The following LGR5 variants were observed in gnomAD, a reference collection of about 807,000 sequenced individuals.
LGR5 encodes the protein leucine-rich repeat-containing G protein-coupled receptor 5.
Under a neutral mutation model 76.7 loss-of-function variants are expected in LGR5, and 54 were observed. The ratio of observed to expected loss-of-function variants is 0.70; its 90% CI spans 0.57 to 0.88. The LOEUF (loss-of-function observed/expected upper bound fraction) is 0.88, where lower values mean the gene tolerates loss of function less well. Among genes scored for constraint, LGR5 ranks in the 40% least tolerant of loss-of-function variants. The probability of loss-of-function intolerance (pLI) is 0.00; values close to 1 mark genes in which losing one functional copy is unlikely to be tolerated. For synonymous variants in LGR5, 406 were observed against 421.9 expected, an observed-to-expected ratio of 0.96 and a Z score of 0.46; for missense variants, 1,078 against 1,073.3, an observed-to-expected ratio of 1.00 and a Z score of -0.06.
At chr12:71,533,720 G>T (rs757182522) in intron 3 of LGR5, among the ~76,000 whole-genome samples, 1 of 152,162 alleles carries the variant, frequency 6.6e-6, no homozygotes, top group Non-Finnish European at 1.5e-5. Flanking sequence ...AGCAAGCATT[G>T]TTCTATGAAC....
intron 4 of LGR5, among the ~76,000 whole-genome samples, chr12:71,545,691 C>G (rs562702954): frequency 6.6e-6 from 1 of 151,828 alleles, no homozygotes; most frequent in African/African-American, 2.4e-5. Flanking sequence ...TTTTGACTAA[C>G]ACTTTACTTC....
chr12:71,584,416 G>C lies in LGR5; in HGVS notation c.2406G>C (p.Lys802Asn). 6.2e-7 allele frequency: 1 copy of C among 1,614,006 alleles called. No homozygotes were observed. The highest frequency in any genetic ancestry group is 8.5e-7 in the Non-Finnish European group (1 of 1,179,914). ...CATTTATCAGTCCTGAAGTAATTAA[G>C]TTTATCCTTCTGGTGGTAGTCCCAC... is the stretch of plus-strand genomic sequence containing the variant. ...NLTFISPEVI[K>N]FILLVVVPLP... The change falls in exon 18 of 18, where the codon AAG becomes AAC. Residue 802 changes from lysine (K) to asparagine (N), a missense_variant. Transcript: ENST00000266674.
chr12:71,484,859 A>G (rs1211483033), intron 1 of LGR5, among the ~76,000 whole-genome samples: 1 of 152,220 alleles, frequency 6.6e-6, no homozygotes, highest in Admixed American at 6.6e-5. Context: ...TTAGAATGAT[A>G]ATGTAAAAAT....
intron 4 of LGR5, among the ~76,000 whole-genome samples, chr12:71,547,322 G>T (rs1877232587): frequency 6.6e-6 from 1 of 152,142 alleles, no homozygotes; most frequent in Non-Finnish European, 1.5e-5. Context: ...CAGTGTAGCT[G>T]CTGAACATAG....
In LGR5 at chr12:71,465,548, A is replaced by C. The variant is rs566244223; in HGVS notation, c.212+25256A>C. Among the ~76,000 whole-genome samples, 8 of 152,284 alleles carry C rather than the reference A, an allele frequency of 5.3e-5. No individual in the cohort carries two copies. The South Asian group carries it at 1.7e-3, about 32-fold the overall frequency. On this transcript the variant is annotated intron_variant, in intron 1 of 17. Transcript: ENST00000266674. ...TGCTTTAAACAAAACTCAGTTTCCT[A>C]GTACTAGGATTCCTCAGGGAATTAC...
At position 71,440,206 on chromosome 12, in the gene LGR5, C is replaced by G. The variant is rs568020422; in HGVS notation, c.126C>G (p.Pro42=). ...GCCCCACACACTGTCATTGCGAGCC[C>G]GACGGCAGGATGTTGCTCAGGGTGG... ...RGCPTHCHCE[P]DGRMLLRVDC... Residue 42 remains proline (P), a synonymous_variant, in exon 1 of 18, where the codon CCC becomes CCG. Coordinates refer to ENST00000266674, the MANE Select transcript of LGR5 (RefSeq NM_003667.4). This position sits in a 1 kb window ranked among gnomAD's most constrained non-coding sequence, Gnocchi z 5.3. 3 of 1,612,832 alleles carry G rather than the reference C, an allele frequency of 1.9e-6. No homozygotes were observed. The highest frequency in any genetic ancestry group is 4.5e-5 in the East Asian group (2 of 44,870).
At chr12:71,460,832 T>C (rs1440606814) in intron 1 of LGR5, among the ~76,000 whole-genome samples, 1 of 152,142 alleles carries the variant, frequency 6.6e-6, no homozygotes, top group Non-Finnish European at 1.5e-5. Flanking sequence ...AAAACAGGGC[T>C]AGTTTTCTTA....
At chr12:71,540,596 T>C (rs74101870) in intron 4 of LGR5, among the ~76,000 whole-genome samples, 1,729 of 152,256 alleles carry the variant, frequency 0.011, 33 homozygotes, top group African/African-American at 0.039. Flanking sequence ...TTCTGCATGG[T>C]AATCTTTTCC....
intron 11 of LGR5, among the ~76,000 whole-genome samples, chr12:71,570,190 A>G (rs1878540820): frequency 6.6e-6 from 1 of 152,214 alleles, no homozygotes; most frequent in African/African-American, 2.4e-5. Flanking sequence ...CATTAAGGAA[A>G]AAAGCTAATG....
intron 1 of LGR5, among the ~76,000 whole-genome samples, chr12:71,479,004 G>C (rs1199690884): frequency 6.6e-6 from 1 of 152,192 alleles, no homozygotes; most frequent in African/African-American, 2.4e-5. Context: ...TTATGTGTCT[G>C]TGCAGGCTCA....
chr12:71,579,014 G>A (rs1878981435), intron 15 of LGR5, 85 bp downstream of exon 15: 2 of 1,253,484 alleles, frequency 1.6e-6, no homozygotes, highest in South Asian at 3.5e-5. Context: ...AAATTTATGA[G>A]GTCGTGAGAC....
chr12:71,554,977 C>A (rs979181516), intron 5 of LGR5, among the ~76,000 whole-genome samples: 3 of 152,140 alleles, frequency 2.0e-5, no homozygotes, highest in Non-Finnish European at 4.4e-5. Flanking sequence ...CACTGGCCCA[C>A]CGCTCTCTTC....
chr12:71,448,532 T>C (rs554368388), intron 1 of LGR5: 1 of 152,342 alleles, frequency 6.6e-6, no homozygotes, highest in South Asian at 2.1e-4. Context: ...AAACACCACA[T>C]GGTGCTTGAA....
At chr12:71,523,161 G>T (rs1001969879) in intron 2 of LGR5, among the ~76,000 whole-genome samples, 1 of 152,028 alleles carries the variant, frequency 6.6e-6, no homozygotes, top group Admixed American at 6.6e-5. Flanking sequence ...GTGTGAAGTG[G>T]CAATGGGACA....
In LGR5 at chr12:71,439,874, G is replaced by T. The variant is rs1871667838; in HGVS notation, c.-207G>T. On this transcript the variant is annotated 5_prime_UTR_variant, in exon 1 of 18. It adds an upstream start codon to the 5' untranslated region. Coordinates refer to ENST00000266674, the MANE Select transcript of LGR5 (RefSeq NM_003667.4). ...CCGCTGCAGCCAGGGCTGCTCCGAAGGCCGGCGTGGCGGCAACCGGCACCT... is the reference window on the plus strand; with the variant it reads ...CCGCTGCAGCCAGGGCTGCTCCGAATGCCGGCGTGGCGGCAACCGGCACCT... 5.6e-6 allele frequency: 3 copies of T among 537,546 alleles called. No individual in the cohort carries two copies. Among genetic ancestry groups the T allele is most frequent in the South Asian group, 4.8e-5 (2 of 41,940 alleles). The allele number at this position is 537,546 out of a possible 1,614,324, so 33.3% of individuals were successfully genotyped here.
chr12:71,584,742 G>A lies in LGR5; in HGVS notation c.*8G>A. 1 of 1,602,748 alleles carries A rather than the reference G, an allele frequency of 6.2e-7. No homozygotes were observed. Among genetic ancestry groups the A allele is most frequent in the Non-Finnish European group, 8.5e-7 (1 of 1,171,886 alleles). ...TTTGTCCCATGTCTCTAATTAATAT[G>A]TGAAGGAAAATGTTTTCAAAGGTTG... On this transcript the variant is annotated 3_prime_UTR_variant, in exon 18 of 18. Transcript: ENST00000266674.
intron 2 of LGR5, among the ~76,000 whole-genome samples, chr12:71,517,702 A>G (rs2137328391): frequency 6.6e-6 from 1 of 152,338 alleles, no homozygotes; most frequent in South Asian, 2.1e-4. Context: ...GAGTCAGTTG[A>G]GTCTGATCAA....
At chr12:71,518,918 CA>C (rs1875583782) in intron 2 of LGR5, among the ~76,000 whole-genome samples, 1 of 152,124 alleles carries the variant, frequency 6.6e-6, no homozygotes, top group Non-Finnish European at 1.5e-5. Flanking sequence ...ATAATCTGTA[CA>C]ACAAACCCCC....
intron 1 of LGR5, among the ~76,000 whole-genome samples, chr12:71,480,351 A>T (rs1259230375): frequency 7.3e-6 from 1 of 136,564 alleles, no homozygotes; most frequent in Admixed American, 7.5e-5. Flanking sequence ...ACAGAATGAG[A>T]CTCTGTCTCA....
Sources: allele counts gnomAD v4.1 joint callset (sites outside exome capture counted in the v4.1 genomes callset), GRCh38; gene constraint gnomAD v4.1.1; non-coding constraint Gnocchi (gnomAD v3.1); transcripts MANE v1.5; gene names NCBI Gene and HGNC (gene_info 2026-07-23, HGNC 2026-07-21).